The following GRIK1 variants were observed in gnomAD, a reference collection of about 807,000 sequenced individuals.
The protein encoded by GRIK1 is glutamate receptor ionotropic, kainate 1.
Under a neutral mutation model 105.7 loss-of-function variants are expected in GRIK1, and 69 were observed. The ratio of observed to expected loss-of-function variants is 0.65; its 90% CI spans 0.54 to 0.80. GRIK1 has a LOEUF of 0.80. GRIK1 is among the 30% of genes least tolerant of loss of function. The probability of loss-of-function intolerance (pLI) is 0.00; values close to 1 mark genes in which losing one functional copy is unlikely to be tolerated. For synonymous variants in GRIK1, 438 were observed against 431.3 expected (o/e 1.02, Z -0.19); for missense variants, 1,109 against 1,167.3 (o/e 0.95, Z 0.73).
At chr21:29,584,695 A>G (rs2832403) in intron 12 of GRIK1, among the ~76,000 whole-genome samples, 8,158 of 152,258 alleles carry the variant, frequency 0.054, 733 homozygotes, top group African/African-American at 0.19. Context: ...ACAATTCACA[A>G]CATAAATTCC....
chr21:29,860,038 G>A (rs2068587800), intron 1 of GRIK1, among the ~76,000 whole-genome samples: 1 of 152,194 alleles, frequency 6.6e-6, no homozygotes, highest in South Asian at 2.1e-4. Flanking sequence ...GGAAGAAAGT[G>A]CAGGGCATAA....
At chr21:29,818,123 C>G (rs1425717215) in intron 1 of GRIK1, among the ~76,000 whole-genome samples, 1 of 152,030 alleles carries the variant, frequency 6.6e-6, no homozygotes, top group East Asian at 1.9e-4. Context: ...TTAGGGAAAA[C>G]CCTATGTTGA....
At chr21:29,694,196 C>G in intron 1 of GRIK1, 133 bp from the exon 2 acceptor site, 1 of 615,112 alleles carries the variant, frequency 1.6e-6, no homozygotes. Context: ...ACGATCTCAG[C>G]TCACTGCAAC....
At chr21:29,676,640 T>G (rs1304362980) in intron 3 of GRIK1, among the ~76,000 whole-genome samples, 1 of 152,112 alleles carries the variant, frequency 6.6e-6, no homozygotes, top group African/African-American at 2.4e-5. Flanking sequence ...TTGCAGTGAA[T>G]GGTGAAGGTG....
At chr21:29,846,469 GAAAGAA>G (rs1569154681) in intron 1 of GRIK1, among the ~76,000 whole-genome samples, 15 of 48,394 alleles carry the variant, frequency 3.1e-4, no homozygotes, top group South Asian at 6.3e-4. Context: ...GAGAGAGAAA[GAAAGAA>G]AGAAAGAAAG....
chr21:29,555,018 ATAAAC>A (rs775641103), intron 16 of GRIK1, 29 bp downstream of exon 16: 27 of 1,563,394 alleles, frequency 1.7e-5, no homozygotes, highest in African/African-American at 1.1e-4. Context: ...AATGCAAACT[ATAAAC>A]TAACCAGTCC....
intron 1 of GRIK1, among the ~76,000 whole-genome samples, chr21:29,792,665 A>G (rs2066451275): frequency 6.6e-6 from 1 of 152,178 alleles, no homozygotes; most frequent in African/African-American, 2.4e-5. Flanking sequence ...GCTCTGAAAT[A>G]TTTCCTTTGC....
chr21:29,850,450 C>T (rs977596643), intron 1 of GRIK1, among the ~76,000 whole-genome samples: 4 of 152,136 alleles, frequency 2.6e-5, no homozygotes, highest in Non-Finnish European at 5.9e-5. Context: ...GTTCTAACTG[C>T]ATACACACCC....
chr21:29,580,345 A>G (rs1490773402), intron 13 of GRIK1, among the ~76,000 whole-genome samples: 2 of 151,968 alleles, frequency 1.3e-5, no homozygotes, highest in Non-Finnish European at 2.9e-5. Flanking sequence ...CTCTAAATTT[A>G]TGCAAATTAC....
At chr21:29,766,130 T>A (rs1385845277) in intron 1 of GRIK1, among the ~76,000 whole-genome samples, 3 of 152,176 alleles carry the variant, frequency 2.0e-5, no homozygotes, top group Non-Finnish European at 2.9e-5. Context: ...ATTACAGGCA[T>A]GAGCCACCGT....
intron 13 of GRIK1, among the ~76,000 whole-genome samples, chr21:29,580,035 GTGTATATATGTATATATGTA>G (rs1394427244): frequency 2.0e-4 from 28 of 139,242 alleles, no homozygotes; most frequent in Admixed American, 1.6e-3. Flanking sequence ...ATGTATATAT[GTGTATATATGTATATATGTA>G]TATATATATG....
intron 16 of GRIK1, among the ~76,000 whole-genome samples, chr21:29,539,113 T>G (rs1273340618): frequency 6.6e-6 from 1 of 152,184 alleles, no homozygotes. Flanking sequence ...CAGTAAGTTG[T>G]GGCTTCAGTG....
intron 1 of GRIK1, among the ~76,000 whole-genome samples, chr21:29,915,608 C>A (rs184118972): frequency 6.6e-6 from 1 of 152,040 alleles, no homozygotes; most frequent in Admixed American, 6.6e-5. Flanking sequence ...CTGTTTACTG[C>A]GGGAACATGT....
chr21:29,746,561 G>A (rs957543775), intron 1 of GRIK1, among the ~76,000 whole-genome samples: 6 of 152,084 alleles, frequency 3.9e-5, no homozygotes, highest in African/African-American at 7.2e-5. Context: ...ATATCATTCC[G>A]GCTAATTCAG....
intron 4 of GRIK1, among the ~76,000 whole-genome samples, chr21:29,664,898 T>G (rs992435584): frequency 4.6e-5 from 7 of 152,288 alleles, no homozygotes; most frequent in Middle Eastern, 3.4e-3. Context: ...GCATGCACCT[T>G]CCTACAATTT....
At chr21:29,580,160 C>CATAT (rs138103244) in intron 13 of GRIK1, among the ~76,000 whole-genome samples, 8 of 143,526 alleles carry the variant, frequency 5.6e-5, no homozygotes, top group African/African-American at 1.8e-4. Context: ...TATACACATA[C>CATAT]ATATATATAT....
intron 1 of GRIK1, among the ~76,000 whole-genome samples, chr21:29,872,981 G>A (rs900912099): frequency 3.9e-5 from 6 of 152,214 alleles, no homozygotes; most frequent in Non-Finnish European, 7.3e-5. Context: ...ATAAGATTGA[G>A]ACGAAAGTGG....
chr21:29,854,514 A>G (rs1373887834), intron 1 of GRIK1, among the ~76,000 whole-genome samples: 3 of 152,166 alleles, frequency 2.0e-5, no homozygotes, highest in African/African-American at 2.4e-5. Context: ...AATGAGAAAA[A>G]AAAACAAGAA....
At chr21:29,610,464 G>T (rs1005166564) in intron 7 of GRIK1, among the ~76,000 whole-genome samples, 1 of 152,086 alleles carries the variant, frequency 6.6e-6, no homozygotes, top group Non-Finnish European at 1.5e-5. Flanking sequence ...AGAAATAGAA[G>T]ACAGAGAGAA....
Sources: allele counts gnomAD v4.1 joint callset (sites outside exome capture counted in the v4.1 genomes callset), GRCh38; gene constraint gnomAD v4.1.1; transcripts MANE v1.5; gene names NCBI Gene and HGNC (gene_info 2026-07-23, HGNC 2026-07-21).